Variants in MEIG1 observed in about 807,000 individuals in gnomAD.
MEIG1 encodes meiosis expressed gene 1 protein homolog.
Under a neutral mutation model 11.3 loss-of-function variants are expected in MEIG1, and 12 were observed. The observed-to-expected ratio is 1.07, with a 90% CI of 0.68 to 1.73. The LOEUF (loss-of-function observed/expected upper bound fraction) is 1.73. Among genes scored for constraint, MEIG1 ranks in the 40% most tolerant of loss-of-function variants. The probability of loss-of-function intolerance (pLI) is 0.00; values close to 1 mark genes in which losing one functional copy is unlikely to be tolerated. For synonymous variants in MEIG1, 41 were observed against 33.2 expected (o/e 1.24, Z -0.81); for missense variants, 119 against 104.9 (o/e 1.13, Z -0.59).
chr10:14,967,118 C>T (rs554373255), intron 2 of MEIG1, among the ~76,000 whole-genome samples: 1 of 152,062 alleles, frequency 6.6e-6, no homozygotes, highest in African/African-American at 2.4e-5. Flanking sequence ...TTTAGCTGGG[C>T]ACATTCAGAA....
At chr10:14,968,425 T>C (rs1260352957) in intron 2 of MEIG1, among the ~76,000 whole-genome samples, 1 of 151,894 alleles carries the variant, frequency 6.6e-6, no homozygotes, top group Non-Finnish European at 1.5e-5. Context: ...GAGGCAGAGG[T>C]TGCAGTTAGC....
At chr10:14,956,734 A>G (rs545626527), upstream of MEIG1, among the ~76,000 whole-genome samples, 9 of 152,318 alleles carry the variant, frequency 5.9e-5, no homozygotes, top group African/African-American at 1.9e-4. Context: ...ATCAGACACT[A>G]TTTTAGACAC....
chr10:14,959,190 C>T (rs555742655), upstream of MEIG1, among the ~76,000 whole-genome samples: 39 of 152,326 alleles, frequency 2.6e-4, no homozygotes, highest in African/African-American at 9.1e-4. Flanking sequence ...CGGCAAGTAA[C>T]CCTTTTTCGC....
downstream of MEIG1, among the ~76,000 whole-genome samples, chr10:14,976,236 A>G (rs1490513174): frequency 6.6e-6 from 1 of 152,176 alleles, no homozygotes; most frequent in African/African-American, 2.4e-5. Flanking sequence ...AGATGCCACT[A>G]GTAAAGTCAC....
At chr10:14,958,106 T>C (rs1172042559), upstream of MEIG1, among the ~76,000 whole-genome samples, 2 of 152,164 alleles carry the variant, frequency 1.3e-5, no homozygotes, top group African/African-American at 2.4e-5. Flanking sequence ...TTGATGGATA[T>C]GGAAAGAGAG....
At chr10:14,965,570 A>C (rs1457139465) in intron 1 of MEIG1, among the ~76,000 whole-genome samples, 1 of 152,140 alleles carries the variant, frequency 6.6e-6, no homozygotes, top group Non-Finnish European at 1.5e-5. Flanking sequence ...GAATTGCAGC[A>C]ATTGGGATGT....
chr10:14,982,967 T>C (rs893520652), intron 1 of MEIG1, among the ~76,000 whole-genome samples: 5 of 152,086 alleles, frequency 3.3e-5, no homozygotes, highest in Admixed American at 2.6e-4. Flanking sequence ...CTGAGCACTT[T>C]TTATGAGCAA....
At chr10:14,967,657 C>T (rs1383411114) in intron 2 of MEIG1, among the ~76,000 whole-genome samples, 2 of 152,072 alleles carry the variant, frequency 1.3e-5, no homozygotes, top group Non-Finnish European at 2.9e-5. Flanking sequence ...CTGAACAACA[C>T]AGGGACTAGG....
chr10:14,981,956 T>C (rs1042277467), intron 1 of MEIG1, among the ~76,000 whole-genome samples: 1 of 152,208 alleles, frequency 6.6e-6, no homozygotes, highest in African/African-American at 2.4e-5. Context: ...GCTTACTGCA[T>C]CCCTGTTTAC....
chr10:14,986,640 C>T (rs1204386256), intron 1 of MEIG1, among the ~76,000 whole-genome samples: 2 of 152,194 alleles, frequency 1.3e-5, no homozygotes, highest in African/African-American at 4.8e-5. Flanking sequence ...GATGGAGTCT[C>T]TTTCTGTTGC....
At chr10:14,954,238 G>T in the MEIG1 span, 1 of 661,714 alleles carries the variant, frequency 1.5e-6, no homozygotes, top group Non-Finnish European at 2.6e-6. Flanking sequence ...TTCGCTGCAC[G>T]CGATGGGCCC....
upstream of MEIG1, among the ~76,000 whole-genome samples, chr10:14,959,177 T>C (rs1276968546): frequency 6.6e-6 from 1 of 152,212 alleles, no homozygotes; most frequent in Admixed American, 6.5e-5. Context: ...GGGATTCAAG[T>C]AGCGGCAAGT....
chr10:14,971,512 C>T (rs964887833), intron 2 of MEIG1, among the ~76,000 whole-genome samples: 3 of 151,332 alleles, frequency 2.0e-5, no homozygotes, highest in African/African-American at 7.3e-5. Flanking sequence ...CACCGCACTA[C>T]AGCCTCGGAG....
chr10:14,975,016 A>G (rs1450238008), downstream of MEIG1, among the ~76,000 whole-genome samples: 2 of 152,078 alleles, frequency 1.3e-5, no homozygotes, highest in Non-Finnish European at 2.9e-5. Flanking sequence ...TATTACGTTC[A>G]ATATCGCAGT....
intron 2 of MEIG1, chr10:14,987,219 C>T (rs955250099): frequency 1.7e-5 from 16 of 959,718 alleles, no homozygotes; most frequent in East Asian, 8.5e-5. Context: ...GAAGTGAACC[C>T]GATGTCAGCC....
chr10:14,964,761 G>A (rs1432635228), intron 1 of MEIG1, among the ~76,000 whole-genome samples: 1 of 145,938 alleles, frequency 6.9e-6, no homozygotes, highest in Admixed American at 7.1e-5. Context: ...TGTGATTGCA[G>A]GCACCTGCTA....
chr10:14,966,131 T>A (rs1843080708), intron 1 of MEIG1, among the ~76,000 whole-genome samples: 2 of 139,290 alleles, frequency 1.4e-5, no homozygotes, highest in South Asian at 4.8e-4. Flanking sequence ...TGGCACAATC[T>A]CAGCTCACTG....
At chr10:14,962,443 G>A (rs1037803484) in intron 1 of MEIG1, among the ~76,000 whole-genome samples, 6 of 152,146 alleles carry the variant, frequency 3.9e-5, no homozygotes, top group Non-Finnish European at 8.8e-5. Context: ...ATAATAACCG[G>A]AGGATGTCTA....
At chr10:14,981,885 T>C (rs1843269154) in intron 1 of MEIG1, among the ~76,000 whole-genome samples, 1 of 152,202 alleles carries the variant, frequency 6.6e-6, no homozygotes, top group African/African-American at 2.4e-5. Flanking sequence ...TTGCTGCAGC[T>C]AACAAACAGG....
Sources: allele counts gnomAD v4.1 joint callset (sites outside exome capture counted in the v4.1 genomes callset), GRCh38; gene constraint gnomAD v4.1.1; transcripts MANE v1.5; gene names NCBI Gene and HGNC (gene_info 2026-07-23, HGNC 2026-07-21).